VWC2L: variants seen among roughly 807,000 people sequenced by gnomAD.
VWC2L encodes the protein von Willebrand factor C domain containing 2 like.
In VWC2L, 10 loss-of-function variants were observed where a neutral mutation model predicts 21.6. The observed-to-expected ratio is 0.46, with a 90% CI of 0.29 to 0.78. VWC2L has a LOEUF of 0.78. Ranked by LOEUF, VWC2L falls within the 30% of genes least tolerant of loss-of-function variation. VWC2L has a pLI of 0.10. For synonymous variants in VWC2L, 96 were observed against 94.3 expected, an observed-to-expected ratio of 1.02 and a Z score of -0.10; for missense variants, 209 against 277.1, an observed-to-expected ratio of 0.75 and a Z score of 1.74.
intron 3 of VWC2L, among the ~76,000 whole-genome samples, chr2:214,455,747 A>G (rs1451089775): frequency 6.6e-6 from 1 of 152,124 alleles, no homozygotes; most frequent in Non-Finnish European, 1.5e-5. Context: ...TTGACTCTCT[A>G]GCTCCATTAG....
At position 214,433,544 on chromosome 2, in the gene VWC2L, T is replaced by C. The variant is rs570484740; in HGVS notation, c.391-3085T>C. 3.9e-5 allele frequency among the ~76,000 whole-genome samples: 6 copies of C among 152,320 alleles called. No individual in the cohort carries two copies. In the East Asian group the frequency reaches 9.6e-4, roughly 24 times the overall value. On this transcript the variant is annotated intron_variant, in intron 2 of 3. Transcript: ENST00000312504. Reference sequence around the variant, plus strand: ...TTTACAGGGACATTTTCAGGTTTCATCTATAGTTTTCACATGGAACAACCC... The same window carrying C: ...TTTACAGGGACATTTTCAGGTTTCACCTATAGTTTTCACATGGAACAACCC...
chr2:214,544,661 G>T (rs1689678079), intron 3 of VWC2L, among the ~76,000 whole-genome samples: 1 of 152,138 alleles, frequency 6.6e-6, no homozygotes, highest in South Asian at 2.1e-4. Flanking sequence ...TGAGCCTTGG[G>T]AAAGTCTCTT....
intron 3 of VWC2L, among the ~76,000 whole-genome samples, chr2:214,442,101 G>A (rs1384929520): frequency 2.6e-5 from 4 of 151,920 alleles, no homozygotes; most frequent in East Asian, 1.9e-4. Flanking sequence ...TAGTAGAGAC[G>A]GGGTTTCACT....
intron 3 of VWC2L, among the ~76,000 whole-genome samples, chr2:214,529,513 T>C (rs1424525337): frequency 6.6e-6 from 1 of 152,116 alleles, no homozygotes; most frequent in Non-Finnish European, 1.5e-5. Flanking sequence ...TTATATGCCG[T>C]TTCTTCTTAC....
intron 3 of VWC2L, among the ~76,000 whole-genome samples, chr2:214,456,445 G>T (rs1310426061): frequency 1.3e-5 from 2 of 151,956 alleles, no homozygotes; most frequent in Non-Finnish European, 2.9e-5. Context: ...TTGCTGTTGA[G>T]TCCCTTGTAT....
intron 3 of VWC2L, among the ~76,000 whole-genome samples, chr2:214,465,409 GGT>G (rs1449564691): frequency 6.6e-6 from 1 of 152,128 alleles, no homozygotes; most frequent in African/African-American, 2.4e-5. Flanking sequence ...TCTGACTCAG[GGT>G]GTGTCTAGAA....
At chr2:214,523,035 A>T (rs1286961617) in intron 3 of VWC2L, among the ~76,000 whole-genome samples, 1 of 152,182 alleles carries the variant, frequency 6.6e-6, no homozygotes, top group African/African-American at 2.4e-5. Flanking sequence ...AACAAACTAG[A>T]CTTTATTGGT....
intron 3 of VWC2L, among the ~76,000 whole-genome samples, chr2:214,574,893 T>G (rs1052771180): frequency 6.6e-6 from 1 of 151,688 alleles, no homozygotes; most frequent in Non-Finnish European, 1.5e-5. Context: ...CAGAAAAAAT[T>G]TTTAAAAACC....
At chr2:214,424,579 C>T (rs1332530455) in intron 2 of VWC2L, among the ~76,000 whole-genome samples, 1 of 152,118 alleles carries the variant, frequency 6.6e-6, no homozygotes, top group Non-Finnish European at 1.5e-5. Context: ...ATAAAAGCTA[C>T]CTGATATTTT....
At chr2:214,535,462 T>A (rs1249373624) in intron 3 of VWC2L, among the ~76,000 whole-genome samples, 1 of 151,440 alleles carries the variant, frequency 6.6e-6, no homozygotes, top group Admixed American at 6.6e-5. Context: ...AGTTCTTATA[T>A]CCACATTGGC....
rs1193419222 is a variant in VWC2L at position 214,576,651 on chromosome 2, T to A, written c.*831T>A. The A allele has an allele frequency of 1.3e-5, 2 of 152,210 alleles. No individual in the cohort carries two copies. Among genetic ancestry groups the A allele is most frequent in the Non-Finnish European group, 1.5e-5 (1 of 68,032 alleles). 9.4% of individuals were successfully genotyped at this position (152,210 alleles called of 1,614,324 possible). A position where few individuals can be genotyped will look rare whatever the true frequency, so the allele number is the denominator to read the frequency against. ...CATGATGTGAAATTTGAGTTTGGTT[T>A]GTAGCTAAACACACTCTAAACTCAC... On this transcript the variant is annotated 3_prime_UTR_variant, in exon 4 of 4. Coordinates refer to ENST00000312504, the MANE Select transcript of VWC2L (RefSeq NM_001080500.4).
rs1454766980 is a variant in VWC2L, at chr2:214,430,151, A to G, written c.391-6478A>G. Reference sequence around the variant, plus strand: ...GAAGAAAATAATTTTAGGAAAAAAAAAAATAGAACATTGATAAAATGTCAC... The same window carrying G: ...GAAGAAAATAATTTTAGGAAAAAAAGAAATAGAACATTGATAAAATGTCAC... On this transcript the variant is annotated intron_variant, in intron 2 of 3. Coordinates refer to ENST00000312504, the MANE Select transcript of VWC2L (RefSeq NM_001080500.4). 5.9e-5 allele frequency among the ~76,000 whole-genome samples: 9 copies of G among 152,242 alleles called. No homozygotes were observed. The East Asian group carries it at 1.7e-3, about 29-fold the overall frequency.
intron 3 of VWC2L, among the ~76,000 whole-genome samples, chr2:214,462,133 C>T (rs1005576079): frequency 6.6e-6 from 1 of 152,180 alleles, no homozygotes; most frequent in Non-Finnish European, 1.5e-5. Context: ...CTCAAAATGG[C>T]ACTGCACTGC....
intron 3 of VWC2L, among the ~76,000 whole-genome samples, chr2:214,501,461 G>A (rs538914663): frequency 6.6e-6 from 1 of 152,282 alleles, no homozygotes; most frequent in South Asian, 2.1e-4. Flanking sequence ...GGTGGCTCAT[G>A]CCTGTAATCC....
At chr2:214,452,649 C>A (rs1264773213) in intron 3 of VWC2L, among the ~76,000 whole-genome samples, 3 of 151,838 alleles carry the variant, frequency 2.0e-5, no homozygotes, top group African/African-American at 7.3e-5. Flanking sequence ...GTATACGTAA[C>A]TTTTTTTTAA....
At chr2:214,488,406 G>A (rs867673421) in intron 3 of VWC2L, among the ~76,000 whole-genome samples, 5 of 152,014 alleles carry the variant, frequency 3.3e-5, no homozygotes, top group East Asian at 1.9e-4. Flanking sequence ...AAAACCAGCC[G>A]TGGCAACATG....
chr2:214,528,647 G>A (rs1224499948), intron 3 of VWC2L, among the ~76,000 whole-genome samples: 1 of 151,584 alleles, frequency 6.6e-6, no homozygotes, highest in African/African-American at 2.4e-5. Flanking sequence ...CATTTGCCAC[G>A]GGTAACCAGA....
intron 3 of VWC2L, among the ~76,000 whole-genome samples, chr2:214,485,419 T>G (rs1343592544): frequency 2.6e-5 from 4 of 152,316 alleles, no homozygotes; most frequent in East Asian, 3.9e-4. Context: ...ATTTGATATC[T>G]AGCTGTCATT....
chr2:214,556,824 T>C (rs941492810), intron 3 of VWC2L, among the ~76,000 whole-genome samples: 4 of 152,180 alleles, frequency 2.6e-5, no homozygotes, highest in African/African-American at 9.7e-5. Flanking sequence ...TCAACCACTC[T>C]CTTGTTAATA....
Sources: gnomAD v4.1 joint callset for allele counts (sites outside exome capture counted in the v4.1 genomes callset) on GRCh38, gnomAD v4.1.1 for gene constraint, MANE v1.5 for transcripts, NCBI Gene and HGNC (gene_info 2026-07-23, HGNC 2026-07-21) for gene names.